Variants in SDK1 observed in about 807,000 individuals in gnomAD.
The protein encoded by SDK1 is protein sidekick-1.
A neutral mutation model predicts 245.5 loss-of-function variants in SDK1; 157 were observed. The observed-to-expected ratio is 0.64, with a 90% CI of 0.56 to 0.73. SDK1 has a LOEUF of 0.73. Among genes scored for constraint, SDK1 ranks in the 30% least tolerant of loss-of-function variants. The pLI, the probability that SDK1 is intolerant of heterozygous loss-of-function variation, is 0.00. For synonymous variants in SDK1, 1,647 were observed against 1,278.5 expected (o/e 1.29, Z -6.15); for missense variants, 3,583 against 3,002.3 (o/e 1.19, Z -4.52).
chr7:3,325,935 A>G (rs571936824), intron 1 of SDK1, among the ~76,000 whole-genome samples: 5 of 152,200 alleles, frequency 3.3e-5, no homozygotes, highest in Admixed American at 6.5e-5. Context: ...GGAAAGAACC[A>G]TCTCGCTTGG....
intron 14 of SDK1, among the ~76,000 whole-genome samples, chr7:3,988,010 C>T (rs749493137): frequency 2.8e-4 from 42 of 152,140 alleles, no homozygotes; most frequent in Admixed American, 4.6e-4. Flanking sequence ...ATGACTCGAA[C>T]ATTTGTATCC....
At chr7:3,329,301 C>G (rs1780010031) in intron 1 of SDK1, among the ~76,000 whole-genome samples, 1 of 152,172 alleles carries the variant, frequency 6.6e-6, no homozygotes, top group South Asian at 2.1e-4. Context: ...TTCCTCTCTT[C>G]TCATTTTGAT....
chr7:3,469,294 G>A lies in SDK1; in HGVS notation c.299-149786G>A, dbSNP rs60671113. 8.9e-3 allele frequency among the ~76,000 whole-genome samples: 1,348 copies of A among 152,216 alleles called. 21 individuals carry two copies. Among genetic ancestry groups the A allele is most frequent in the African/African-American group, 0.031 (1,284 of 41,524 alleles). On this transcript the variant is annotated intron_variant, in intron 1 of 44. Coordinates refer to ENST00000404826, the MANE Select transcript of SDK1 (RefSeq NM_152744.4). ...AACAAATGAAACATTAGTCAGGGGT[G>A]GTAGCACACACTTGTCGTCCCAGAT...
chr7:3,643,082 T>A (rs1276212479), intron 4 of SDK1: 6 of 152,258 alleles, frequency 3.9e-5, no homozygotes, highest in Non-Finnish European at 8.8e-5. Flanking sequence ...CGAAGCCTTG[T>A]GATTCTCATC....
At chr7:4,136,758 C>G (rs1779123139) in intron 28 of SDK1, among the ~76,000 whole-genome samples, 1 of 152,234 alleles carries the variant, frequency 6.6e-6, no homozygotes, top group African/African-American at 2.4e-5. Context: ...CCCGCCCTGC[C>G]AGCAGGAGGG....
At position 4,038,489 on chromosome 7, in the gene SDK1, G is replaced by C. The variant is rs375439647; in HGVS notation, c.2603-10859G>C. 3.7e-3 allele frequency among the ~76,000 whole-genome samples: 557 copies of C among 152,316 alleles called. 6 individuals are homozygous for C. The South Asian group carries it at 0.039, about 11-fold the overall frequency. ...TAACATCAGCACTTATCAATCTGCA[G>C]TGGAAGCTTGTTTGATGTAATAATC... On this transcript the variant is annotated intron_variant, in intron 17 of 44. Transcript: ENST00000404826.
chr7:4,258,458 A>G (rs1419501074), intron 44 of SDK1, among the ~76,000 whole-genome samples: 1 of 152,208 alleles, frequency 6.6e-6, no homozygotes, highest in African/African-American at 2.4e-5. Context: ...TGATTTCCCC[A>G]CCATGCAGAG....
intron 4 of SDK1, among the ~76,000 whole-genome samples, chr7:3,760,636 G>A (rs1252356849): frequency 6.6e-6 from 1 of 152,160 alleles, no homozygotes; most frequent in South Asian, 2.1e-4. Flanking sequence ...TGATTTGGGG[G>A]ACTTTTAGAC....
chr7:4,087,887 C>A (rs1402475635), intron 22 of SDK1, among the ~76,000 whole-genome samples: 1 of 152,176 alleles, frequency 6.6e-6, no homozygotes, highest in South Asian at 2.1e-4. Context: ...GATTAACTCA[C>A]GTATGGCTAT....
chr7:4,162,363 G>GTTA (rs1364476780), intron 32 of SDK1, among the ~76,000 whole-genome samples: 1 of 116,334 alleles, frequency 8.6e-6, no homozygotes, highest in African/African-American at 3.0e-5. Context: ...GGTGGTTGTT[G>GTTA]TTGTTGTTAT....
chr7:3,550,162 C>T (rs76574583), intron 1 of SDK1, among the ~76,000 whole-genome samples: 2,005 of 152,110 alleles, frequency 0.013, 35 homozygotes, highest in African/African-American at 0.038. Flanking sequence ...ATATGCATAT[C>T]TCAAATTTAC....
At chr7:3,779,933 C>T (rs71527457) in intron 4 of SDK1, among the ~76,000 whole-genome samples, 30,373 of 133,742 alleles carry the variant, frequency 0.23, 3,523 homozygotes, top group Middle Eastern at 0.35. Context: ...AGGGAGACTC[C>T]GTCTCAAAAA....
chr7:3,460,386 C>G (rs1780796371), intron 1 of SDK1, among the ~76,000 whole-genome samples: 1 of 152,170 alleles, frequency 6.6e-6, no homozygotes, highest in Non-Finnish European at 1.5e-5. Flanking sequence ...ATATCTATTA[C>G]AGACTGTACG....
intron 26 of SDK1, among the ~76,000 whole-genome samples, chr7:4,128,281 C>T (rs1427295431): frequency 1.3e-5 from 2 of 152,172 alleles, no homozygotes; most frequent in Admixed American, 6.5e-5. Context: ...TTGTTTTCCC[C>T]GCCTGCTCTC....
chr7:3,568,513 T>C (rs1425410806), intron 1 of SDK1, among the ~76,000 whole-genome samples: 1 of 152,216 alleles, frequency 6.6e-6, no homozygotes, highest in African/African-American at 2.4e-5. Flanking sequence ...CAAGAAGTTT[T>C]TGTCAAATTG....
intron 1 of SDK1, among the ~76,000 whole-genome samples, chr7:3,325,419 G>A (rs1245958073): frequency 5.3e-5 from 8 of 151,892 alleles, no homozygotes; most frequent in African/African-American, 1.9e-4. Flanking sequence ...TATTTTCATT[G>A]ATATTCAACG....
intron 1 of SDK1, among the ~76,000 whole-genome samples, chr7:3,430,655 G>T (rs377094906): frequency 1.3e-5 from 2 of 152,166 alleles, no homozygotes; most frequent in East Asian, 3.9e-4. Context: ...CCTGATTCCA[G>T]AATCCCAAAA....
At chr7:4,239,524 C>T (rs529849869) in intron 42 of SDK1, among the ~76,000 whole-genome samples, 4 of 152,314 alleles carry the variant, frequency 2.6e-5, no homozygotes, top group South Asian at 4.1e-4. Context: ...ACTGCTAGAC[C>T]GCAGCCTGTT....
intron 4 of SDK1, among the ~76,000 whole-genome samples, chr7:3,795,314 C>G (rs1778935605): frequency 6.6e-6 from 1 of 152,122 alleles, no homozygotes; most frequent in Admixed American, 6.5e-5. Context: ...ATTAATGCCA[C>G]TTGGCATGGC....
Sources: gnomAD v4.1 joint callset for allele counts (sites outside exome capture counted in the v4.1 genomes callset) on GRCh38, gnomAD v4.1.1 for gene constraint, MANE v1.5 for transcripts, NCBI Gene and HGNC (gene_info 2026-07-23, HGNC 2026-07-21) for gene names.